Variants in NKAIN3 observed in about 807,000 individuals in gnomAD.
NKAIN3 encodes the protein sodium/potassium transporting ATPase interacting 3, also known as sodium/potassium-transporting ATPase subunit beta-1-interacting protein 3.
In NKAIN3, 25 loss-of-function variants were observed where a neutral mutation model predicts 30.2. That is an observed-to-expected ratio of 0.83 (90% CI 0.60 to 1.16). The LOEUF (loss-of-function observed/expected upper bound fraction) is 1.16, where lower values mean the gene tolerates loss of function less well. Ranked by LOEUF, NKAIN3 falls within the 50% of genes most tolerant of loss-of-function variation. The pLI, the probability that NKAIN3 is intolerant of heterozygous loss-of-function variation, is 0.00. For missense variants in NKAIN3, 225 were observed against 254.1 expected (o/e 0.89, Z 0.78); for synonymous variants, 91 against 89.6 (o/e 1.02, Z -0.09).
At chr8:62,524,077 T>C (rs773800670) in intron 1 of NKAIN3, among the ~76,000 whole-genome samples, 3 of 151,982 alleles carry the variant, frequency 2.0e-5, no homozygotes, top group Admixed American at 6.6e-5. Flanking sequence ...ATATTTTCTA[T>C]AATGTAGAGC....
At chr8:62,842,745 G>A (rs756007327) in intron 4 of NKAIN3, among the ~76,000 whole-genome samples, 25 of 151,958 alleles carry the variant, frequency 1.6e-4, no homozygotes, top group Non-Finnish European at 2.8e-4. Context: ...AAACTGCCAA[G>A]AACCCATAAT....
intron 5 of NKAIN3, among the ~76,000 whole-genome samples, chr8:62,936,387 G>A (rs1406246256): frequency 1.3e-5 from 2 of 152,104 alleles, no homozygotes; most frequent in African/African-American, 2.4e-5. Context: ...CACTCCGCAT[G>A]TGAATTACAG....
intron 1 of NKAIN3, among the ~76,000 whole-genome samples, chr8:62,266,617 G>A (rs1173317723): frequency 2.6e-5 from 4 of 152,160 alleles, no homozygotes; most frequent in South Asian, 2.1e-4. Context: ...TGAGTCAGGA[G>A]GCGGGACTCG....
intron 5 of NKAIN3, among the ~76,000 whole-genome samples, chr8:62,940,618 C>A (rs1442228328): frequency 6.6e-6 from 1 of 151,922 alleles, no homozygotes; most frequent in African/African-American, 2.4e-5. Context: ...AAAAGGAAAC[C>A]TCAAAACCCT....
chr8:62,285,122 C>T (rs2129397973), intron 1 of NKAIN3, among the ~76,000 whole-genome samples: 1 of 152,262 alleles, frequency 6.6e-6, no homozygotes, highest in African/African-American at 2.4e-5. Flanking sequence ...TTTAATCTTA[C>T]TCCTGGTGTA....
At chr8:62,481,706 C>T (rs1037030365) in intron 1 of NKAIN3, among the ~76,000 whole-genome samples, 1 of 152,158 alleles carries the variant, frequency 6.6e-6, no homozygotes, top group Non-Finnish European at 1.5e-5. Flanking sequence ...AATAATTTCC[C>T]CTTCTCTTTA....
chr8:62,796,789 T>TGCACACACAC (rs1554578653), intron 4 of NKAIN3, among the ~76,000 whole-genome samples: 5 of 146,064 alleles, frequency 3.4e-5, no homozygotes, highest in Non-Finnish European at 4.5e-5. Flanking sequence ...GTATCACACA[T>TGCACACACAC]ACACACACAC....
rs976345798 is a variant in NKAIN3, at chr8:62,423,885, G to T, written c.55-155654G>T. Among the ~76,000 whole-genome samples the T allele has an allele frequency of 4.6e-5, 7 of 152,068 alleles. No individual in the cohort carries two copies. The East Asian group carries it at 7.7e-4, about 17-fold the overall frequency. On this transcript the variant is annotated intron_variant, in intron 1 of 6. Transcript: ENST00000623646. ...CCAACATTTTATCTTGTAAAGACAT[G>T]CAGCAGCATGATGCATTTCATGTAT... is the stretch of plus-strand genomic sequence containing the variant.
At chr8:62,570,655 C>G (rs1809906946) in intron 1 of NKAIN3, among the ~76,000 whole-genome samples, 1 of 152,130 alleles carries the variant, frequency 6.6e-6, no homozygotes. Flanking sequence ...CACCAGGTCC[C>G]TCCCATAATA....
At chr8:62,535,027 G>C (rs1431987264) in intron 1 of NKAIN3, among the ~76,000 whole-genome samples, 1 of 151,976 alleles carries the variant, frequency 6.6e-6, no homozygotes, top group Non-Finnish European at 1.5e-5. Flanking sequence ...GCTTTTTTAT[G>C]AGCATTATTT....
intron 1 of NKAIN3, among the ~76,000 whole-genome samples, chr8:62,321,861 G>A (rs1388268461): frequency 1.3e-5 from 2 of 152,158 alleles, no homozygotes; most frequent in African/African-American, 2.4e-5. Flanking sequence ...AAAGCTGTCA[G>A]ACAGGGACAT....
At chr8:62,755,536 CT>C (rs958601357) in intron 4 of NKAIN3, among the ~76,000 whole-genome samples, 7 of 151,214 alleles carry the variant, frequency 4.6e-5, no homozygotes, top group Admixed American at 2.0e-4. Context: ...ATATTGGACT[CT>C]TTTTTTTTCT....
intron 1 of NKAIN3, among the ~76,000 whole-genome samples, chr8:62,504,109 T>C (rs545805795): frequency 7.4e-4 from 113 of 152,326 alleles, no homozygotes; most frequent in African/African-American, 2.6e-3. Context: ...CAGATTCTCA[T>C]AGGAGTGTGA....
At chr8:62,875,024 G>C (rs947345571) in intron 4 of NKAIN3, among the ~76,000 whole-genome samples, 1 of 152,100 alleles carries the variant, frequency 6.6e-6, no homozygotes, top group African/African-American at 2.4e-5. Context: ...AGGAAGTCAG[G>C]TTGTCTCTGT....
At chr8:62,279,527 A>G (rs896055692) in intron 1 of NKAIN3, among the ~76,000 whole-genome samples, 2 of 152,192 alleles carry the variant, frequency 1.3e-5, no homozygotes, top group African/African-American at 4.8e-5. Context: ...TAAGTCTTTA[A>G]TCCATCTTGA....
chr8:62,491,563 G>A (rs925679514), intron 1 of NKAIN3, among the ~76,000 whole-genome samples: 1 of 152,088 alleles, frequency 6.6e-6, no homozygotes, highest in Non-Finnish European at 1.5e-5. Context: ...GACCTCTGAG[G>A]GGTTAATGAC....
intron 1 of NKAIN3, among the ~76,000 whole-genome samples, chr8:62,430,840 C>T (rs991684964): frequency 1.3e-5 from 2 of 151,788 alleles, no homozygotes; most frequent in African/African-American, 4.8e-5. Context: ...ATAAAGGGAG[C>T]TGTTTTTAAA....
chr8:62,429,674 T>C (rs1350879419), intron 1 of NKAIN3, among the ~76,000 whole-genome samples: 1 of 151,886 alleles, frequency 6.6e-6, no homozygotes, highest in Non-Finnish European at 1.5e-5. Flanking sequence ...GAGGATCTAC[T>C]TTCTGCCACT....
chr8:62,341,914 C>A (rs1368994408), intron 1 of NKAIN3, among the ~76,000 whole-genome samples: 1 of 151,882 alleles, frequency 6.6e-6, no homozygotes, highest in Non-Finnish European at 1.5e-5. Context: ...TTTAACTTTT[C>A]TCTGTGCTTT....
Sources: allele counts gnomAD v4.1 joint callset (sites outside exome capture counted in the v4.1 genomes callset), GRCh38; gene constraint gnomAD v4.1.1; transcripts MANE v1.5; gene names NCBI Gene and HGNC (gene_info 2026-07-23, HGNC 2026-07-21).